The following P3H2 variants were observed in gnomAD, a reference collection of about 807,000 sequenced individuals.
The protein encoded by P3H2 is prolyl 3-hydroxylase 2.
P3H2 carries 80 observed loss-of-function variants against 87.0 expected under a neutral mutation model. That is an observed-to-expected ratio of 0.92 (90% CI 0.77 to 1.11). P3H2 has a LOEUF of 1.11. P3H2 is among the 50% of genes least tolerant of loss of function. The pLI is 0.00. For synonymous variants in P3H2, 367 were observed against 359.3 expected, an observed-to-expected ratio of 1.02 and a Z score of -0.24; for missense variants, 1,001 against 923.9, an observed-to-expected ratio of 1.08 and a Z score of -1.08.
At chr3:190,101,976 A>G (rs1224831779) in intron 1 of P3H2, among the ~76,000 whole-genome samples, 1 of 152,222 alleles carries the variant, frequency 6.6e-6, no homozygotes, top group Non-Finnish European at 1.5e-5. Flanking sequence ...TGATAAATCT[A>G]CTATGCCTTT....
rs148354206 is a variant in P3H2 at position 190,089,071 on chromosome 3, C to A, written c.480+31181G>T. On this transcript the variant is annotated intron_variant, in intron 1 of 14. Transcript: ENST00000319332. ...GGGAGCTCCACACTGACACCATATT[C>A]TCTAGCCCTTTATCTTATCTCCTAG... Among the ~76,000 whole-genome samples, 331 of 152,296 alleles carry A rather than the reference C, an allele frequency of 2.2e-3. 3 individuals are homozygous for A. Among genetic ancestry groups the A allele is most frequent in the African/African-American group, 7.8e-3 (325 of 41,550 alleles).
At chr3:190,008,253 C>T (rs757783949) in intron 1 of P3H2, among the ~76,000 whole-genome samples, 1 of 151,942 alleles carries the variant, frequency 6.6e-6, no homozygotes, top group Non-Finnish European at 1.5e-5. Context: ...ACTAAGTGGA[C>T]AATCTTCCTT....
At chr3:190,010,207 G>T (rs977730773) in intron 1 of P3H2, among the ~76,000 whole-genome samples, 1 of 152,118 alleles carries the variant, frequency 6.6e-6, no homozygotes, top group Non-Finnish European at 1.5e-5. Context: ...AGACTGGGCA[G>T]ATATTCATAT....
At chr3:190,009,465 C>G (rs1724522270) in intron 1 of P3H2, among the ~76,000 whole-genome samples, 1 of 152,148 alleles carries the variant, frequency 6.6e-6, no homozygotes, top group Admixed American at 6.5e-5. Context: ...CAGTTCTCCA[C>G]CTGGCCCTGA....
rs562329873 is a variant in P3H2, at chr3:190,081,948, GTTAAAACAATGGCC to G, written c.480+38290_480+38303del. Among the ~76,000 whole-genome samples, 151 of 152,256 alleles carry G rather than the reference GTTAAAACAATGGCC, an allele frequency of 9.9e-4. 1 individual carries two copies. The highest frequency in any genetic ancestry group is 3.5e-3 in the African/African-American group (146 of 41,544). On this transcript the variant is annotated intron_variant, in intron 1 of 14. Coordinates refer to ENST00000319332, the MANE Select transcript of P3H2 (RefSeq NM_018192.4). ...CATTCAGCTGTACATGCTAAACATGGTTAAAACAATGGCCTTAGCTTGTGGCCGGGCACAATGGG... is the reference window on the plus strand; with the variant it reads ...CATTCAGCTGTACATGCTAAACATGGTTAGCTTGTGGCCGGGCACAATGGG...
intron 13 of P3H2, chr3:189,969,392 G>A: frequency 1.3e-6 from 1 of 794,772 alleles, no homozygotes. Context: ...CAGAGTCCTA[G>A]CTTCTTAGCA....
intron 1 of P3H2, among the ~76,000 whole-genome samples, chr3:190,067,884 A>C (rs1181216087): frequency 6.6e-6 from 1 of 152,134 alleles, no homozygotes; most frequent in Non-Finnish European, 1.5e-5. Flanking sequence ...GCATCTCAAT[A>C]TTTAAGTTGA....
rs1242144361 is a variant in P3H2, at chr3:189,957,980, T to G, written c.2059A>C (p.Ile687Leu). The G allele has an allele frequency of 5.0e-6, 8 of 1,613,622 alleles. No homozygotes were observed. Among genetic ancestry groups the G allele is most frequent in the Non-Finnish European group, 6.8e-6 (8 of 1,179,618 alleles). Residue 687 changes from isoleucine to leucine, a missense_variant, in exon 15 of 15, where the codon ATT (isoleucine) becomes CTT (leucine). By Grantham distance (5) the Ile-to-Leu change is conservative (BLOSUM62 2). Transcript: ENST00000319332. ...TGCTGTTCTTGATCCAGAATTGCAA[T>G]CACTTCATCAGCCTGTATTCGCTCC... ...ELERIQADEVIAILDQEQQGK... is the reference protein window; with the variant it reads ...ELERIQADEVLAILDQEQQGK...
At chr3:190,009,563 T>C (rs1328141789) in intron 1 of P3H2, among the ~76,000 whole-genome samples, 1 of 152,188 alleles carries the variant, frequency 6.6e-6, no homozygotes, top group Non-Finnish European at 1.5e-5. Context: ...CACTTCCACA[T>C]TTCACATTTC....
intron 1 of P3H2, among the ~76,000 whole-genome samples, chr3:190,043,201 C>G (rs1200579027): frequency 6.6e-6 from 1 of 152,098 alleles, no homozygotes; most frequent in Non-Finnish European, 1.5e-5. Context: ...ATACATTTAT[C>G]ATATTCCTAA....
chr3:189,969,248 C>G, intron 13 of P3H2: 2 of 795,170 alleles, frequency 2.5e-6, no homozygotes, highest in Admixed American at 1.7e-5. Flanking sequence ...ATTCCAGCCT[C>G]TTTAGTGAGA....
rs113949766 is a variant in P3H2 at position 190,043,858 on chromosome 3, A to G, written c.481-48416T>C. Among the ~76,000 whole-genome samples, 1,191 of 152,266 alleles carry G rather than the reference A, an allele frequency of 7.8e-3. 25 individuals are homozygous for G. Among genetic ancestry groups the G allele is most frequent in the African/African-American group, 0.027 (1,116 of 41,554 alleles). On this transcript the variant is annotated intron_variant, in intron 1 of 14. Transcript: ENST00000319332. ...ATTCTCAGGGCAGCAGACTCTGACA[A>G]TGCACCTCAGGAGCATTTTTCTAGC...
rs1221759889 is a variant in P3H2, at chr3:190,019,913, T to A, written c.481-24471A>T. ...AGGACTTGCCATATGTTTCATGTTA[T>A]CTCAAGTGCTTCAGAAGAGTAGGCA... On this transcript the variant is annotated intron_variant, in intron 1 of 14. Transcript: ENST00000319332. 3.1e-5 allele frequency among the ~76,000 whole-genome samples: 4 copies of A among 129,974 alleles called. No individual in the cohort carries two copies. In the South Asian group the frequency reaches 1.1e-3, roughly 37 times the overall value. 85.3% of individuals were successfully genotyped at this position (129,974 alleles called of 152,430 possible).
intron 3 of P3H2, among the ~76,000 whole-genome samples, chr3:189,989,777 A>T (rs1723822346): frequency 6.6e-6 from 1 of 151,990 alleles, no homozygotes; most frequent in Non-Finnish European, 1.5e-5. Flanking sequence ...TCCCCTTTCT[A>T]TTGCTCCCAT....
intron 1 of P3H2, among the ~76,000 whole-genome samples, chr3:190,008,980 A>G (rs559734589): frequency 6.6e-6 from 1 of 152,320 alleles, no homozygotes; most frequent in African/African-American, 2.4e-5. Context: ...GAACTTCTGA[A>G]TAGATGGATC....
intron 13 of P3H2, among the ~76,000 whole-genome samples, chr3:189,965,017 G>GA (rs1175390829): frequency 3.9e-5 from 6 of 152,162 alleles, no homozygotes; most frequent in Admixed American, 3.9e-4. Flanking sequence ...GGGAAATACA[G>GA]AAACTTTATT....
chr3:190,081,664 C>T (rs1157002744), intron 1 of P3H2, among the ~76,000 whole-genome samples: 1 of 152,086 alleles, frequency 6.6e-6, no homozygotes, highest in Non-Finnish European at 1.5e-5. Context: ...AGACAGATGC[C>T]AGCATTGTTT....
At chr3:190,072,130 A>T (rs1336262438) in intron 1 of P3H2, among the ~76,000 whole-genome samples, 1 of 151,932 alleles carries the variant, frequency 6.6e-6, no homozygotes, top group Non-Finnish European at 1.5e-5. Flanking sequence ...GATTACAGTG[A>T]TTCTCCTGTC....
intron 8 of P3H2, among the ~76,000 whole-genome samples, chr3:189,975,415 G>T (rs1025592760): frequency 1.3e-5 from 2 of 152,220 alleles, no homozygotes; most frequent in African/African-American, 4.8e-5. Flanking sequence ...ACCTGACAAA[G>T]ACTTTTTTTC....
Sources: gnomAD v4.1 joint callset for allele counts (sites outside exome capture counted in the v4.1 genomes callset) on GRCh38, gnomAD v4.1.1 for gene constraint, MANE v1.5 for transcripts, NCBI Gene and HGNC (gene_info 2026-07-23, HGNC 2026-07-21) for gene names.